SH3BP4: variants seen among roughly 807,000 people sequenced by gnomAD.
The protein encoded by SH3BP4 is SH3 domain-binding protein 4.
A neutral mutation model predicts 65.5 loss-of-function variants in SH3BP4; 33 were observed. The observed-to-expected ratio is 0.50, with a 90% CI of 0.38 to 0.67. SH3BP4 has a LOEUF of 0.67. Among genes scored for constraint, SH3BP4 ranks in the 30% least tolerant of loss-of-function variants. The pLI, the probability that SH3BP4 is intolerant of heterozygous loss-of-function variation, is 0.00. For synonymous variants in SH3BP4, 552 were observed against 545.5 expected (o/e 1.01, Z -0.17); for missense variants, 1,134 against 1,261.4 (o/e 0.90, Z 1.53).
intron 1 of SH3BP4, among the ~76,000 whole-genome samples, chr2:234,987,660 C>A (rs1275974241): frequency 1.3e-5 from 2 of 152,200 alleles, no homozygotes; most frequent in South Asian, 4.1e-4. Flanking sequence ...TTGAGACACT[C>A]TCCTTGGCTT....
intron 2 of SH3BP4, among the ~76,000 whole-genome samples, chr2:235,017,045 CT>C (rs995197698): frequency 0.017 from 1,539 of 88,466 alleles, 8 homozygotes; most frequent in African/African-American, 0.05. Context: ...GTTTGCCTTT[CT>C]TTTTTTTTTT....
intron 2 of SH3BP4, among the ~76,000 whole-genome samples, chr2:235,007,788 G>A (rs552191066): frequency 6.6e-6 from 1 of 152,212 alleles, no homozygotes. Context: ...GGGTAGTGCT[G>A]AGGAGGCAGG....
chr2:234,992,784 T>G (rs553778625), intron 1 of SH3BP4, among the ~76,000 whole-genome samples: 1 of 142,340 alleles, frequency 7.0e-6, no homozygotes, highest in East Asian at 2.1e-4. Flanking sequence ...CACCTGGAGA[T>G]GGACACATTC....
At position 234,976,204 on chromosome 2, in the gene SH3BP4, G is replaced by C. The variant is rs1027555835; in HGVS notation, c.-206-19099G>C. 2.0e-5 allele frequency among the ~76,000 whole-genome samples: 3 copies of C among 152,306 alleles called. No homozygotes were observed. The East Asian group carries it at 5.8e-4, about 30-fold the overall frequency. On this transcript the variant is annotated intron_variant, in intron 1 of 5. Transcript: ENST00000392011. The surrounding 1 kb of genome is among the most constrained non-coding windows in gnomAD (Gnocchi z 4.7). ...TACCCATGAAGAGCGGCTCCTGCGG[G>C]GTGGCCCGGGTTACCCCAGCAGCAG...
intron 1 of SH3BP4, among the ~76,000 whole-genome samples, chr2:234,975,684 T>C (rs1411400262): frequency 6.6e-6 from 1 of 152,136 alleles, no homozygotes; most frequent in Non-Finnish European, 1.5e-5. Flanking sequence ...AAATCCAGCC[T>C]GAGCAACATG....
chr2:235,028,555 C>T (rs1296302147), intron 2 of SH3BP4, among the ~76,000 whole-genome samples: 2 of 152,164 alleles, frequency 1.3e-5, no homozygotes, highest in East Asian at 1.9e-4. Context: ...TTGTTGAAAC[C>T]GAATTCGTTC....
intron 1 of SH3BP4, among the ~76,000 whole-genome samples, chr2:234,954,579 C>T (rs1479897674): frequency 2.0e-5 from 3 of 152,204 alleles, no homozygotes; most frequent in Non-Finnish European, 4.4e-5. Context: ...GGAGGACCTT[C>T]CTGGCTTTTC....
At chr2:234,979,852 T>C (rs990982622) in intron 1 of SH3BP4, 3 of 127,160 alleles carry the variant, frequency 2.4e-5, no homozygotes, top group Non-Finnish European at 5.0e-5. Context: ...GGAGGACCCC[T>C]CCCCAGTCTA....
chr2:234,980,951 G>A (rs914503291), intron 1 of SH3BP4, among the ~76,000 whole-genome samples: 1 of 152,118 alleles, frequency 6.6e-6, no homozygotes, highest in African/African-American at 2.4e-5. Context: ...GTGCAGTGGC[G>A]CACAAGCTCT....
chr2:235,023,552 G>A (rs1177144963), intron 2 of SH3BP4, among the ~76,000 whole-genome samples: 1 of 152,024 alleles, frequency 6.6e-6, no homozygotes, highest in Non-Finnish European at 1.5e-5. Context: ...ATCTCGGGCG[G>A]TGGGGTGGGG....
In SH3BP4 at chr2:235,055,236, G is replaced by A. The variant is rs1406527087; in HGVS notation, c.*1420G>A. 6.6e-6 allele frequency: 1 copy of A among 152,156 alleles called. No individual in the cohort carries two copies. Among genetic ancestry groups the A allele is most frequent in the Non-Finnish European group, 1.5e-5 (1 of 68,040 alleles). 9.4% of individuals were successfully genotyped at this position (152,156 alleles called of 1,614,324 possible). On this transcript the variant is annotated 3_prime_UTR_variant, in exon 6 of 6. Transcript: ENST00000392011. ...CCTGCAGTTGTCAGGGACCATTTGG[G>A]ATCCCGAATCTCATTCTCTAAAACT...
chr2:235,029,916 A>T (rs1397495489), intron 2 of SH3BP4, among the ~76,000 whole-genome samples: 1 of 152,162 alleles, frequency 6.6e-6, no homozygotes, highest in Non-Finnish European at 1.5e-5. Context: ...GAGAGAGAAG[A>T]TGGGCTTCCT....
In SH3BP4 at chr2:235,035,485, G is replaced by A. The variant is rs1264201174; in HGVS notation, c.118+365G>A. 2.0e-5 allele frequency among the ~76,000 whole-genome samples: 3 copies of A among 152,142 alleles called. No individual in the cohort carries two copies. Among genetic ancestry groups the A allele is most frequent in the African/African-American group, 7.2e-5 (3 of 41,430 alleles). ...AGAAAAAAGGTAGCTTCGGGGAGAG[G>A]TCAGCAAACCTTTTCTCCAAACAGT... On this transcript the variant is annotated intron_variant, in intron 3 of 5. Transcript: ENST00000392011. This position sits in a 1 kb window ranked among gnomAD's most constrained non-coding sequence, Gnocchi z 5.0.
chr2:234,990,872 A>G (rs1693727518), intron 1 of SH3BP4, among the ~76,000 whole-genome samples: 1 of 152,168 alleles, frequency 6.6e-6, no homozygotes, highest in Non-Finnish European at 1.5e-5. Context: ...CTCCCTTAGC[A>G]TCTGGGGGTT....
At chr2:234,996,368 C>G (rs1693920180) in intron 2 of SH3BP4, among the ~76,000 whole-genome samples, 1 of 152,160 alleles carries the variant, frequency 6.6e-6, no homozygotes, top group Non-Finnish European at 1.5e-5. Flanking sequence ...TTCAACTTCT[C>G]CCCCCACCCT....
At chr2:235,040,632 G>T (rs1695601759) in intron 3 of SH3BP4, among the ~76,000 whole-genome samples, 1 of 151,908 alleles carries the variant, frequency 6.6e-6, no homozygotes, top group Admixed American at 6.6e-5. Context: ...TTGCCTTTCT[G>T]TGAGTGATGG....
chr2:234,981,831 T>G (rs1693393534), intron 1 of SH3BP4: 1 of 152,182 alleles, frequency 6.6e-6, no homozygotes, highest in African/African-American at 2.4e-5. Flanking sequence ...AAACAATCCC[T>G]TGTTGATAGT....
At position 235,052,480 on chromosome 2, in the gene SH3BP4, C is replaced by T. The variant is rs865822827; in HGVS notation, c.2479-82C>T. Reference sequence around the variant, plus strand: ...AATAGAGAGCCCATGGCCATTCCTGCGCCGTCTGCTGGAATTCTGCGGGGA... The same window carrying T: ...AATAGAGAGCCCATGGCCATTCCTGTGCCGTCTGCTGGAATTCTGCGGGGA... On this transcript the variant is annotated intron_variant, in intron 4 of 5. Coordinates refer to ENST00000392011, the MANE Select transcript of SH3BP4 (RefSeq NM_014521.3). This position sits in a 1 kb window ranked among gnomAD's most constrained non-coding sequence, Gnocchi z 5.0. The T allele has an allele frequency of 1.1e-4, 125 of 1,150,028 alleles. No homozygotes were observed. The African/African-American group carries it at 1.4e-3, about 13-fold the overall frequency. The allele number at this position is 1,150,028 out of a possible 1,614,324, so 71.2% of individuals were successfully genotyped here.
intron 2 of SH3BP4, among the ~76,000 whole-genome samples, chr2:235,032,189 T>C (rs932410842): frequency 1.3e-5 from 2 of 152,084 alleles, no homozygotes; most frequent in Non-Finnish European, 2.9e-5. Flanking sequence ...TCTGGACTGG[T>C]GGGGGTGGGA....
Sources: allele counts gnomAD v4.1 joint callset (sites outside exome capture counted in the v4.1 genomes callset), GRCh38; gene constraint gnomAD v4.1.1; non-coding constraint Gnocchi (gnomAD v3.1); transcripts MANE v1.5; gene names NCBI Gene and HGNC (gene_info 2026-07-23, HGNC 2026-07-21).